Variants in FAM228B observed in about 807,000 individuals in gnomAD.
FAM228B encodes the protein family with sequence similarity 228 member B, also known as protein FAM228B.
A neutral mutation model predicts 42.6 loss-of-function variants in FAM228B; 38 were observed. The observed-to-expected ratio is 0.89, with a 90% confidence interval of 0.69 to 1.17. FAM228B has a LOEUF of 1.17. Ranked by LOEUF, FAM228B falls within the 50% of genes most tolerant of loss-of-function variation. FAM228B has a pLI of 0.00. For missense variants in FAM228B, 344 were observed against 367.3 expected (o/e 0.94, Z 0.52); for synonymous variants, 109 against 122.3 (o/e 0.89, Z 0.72).
intron 3 of FAM228B, chr2:24,115,716 A>G (rs1476285972): frequency 9.5e-6 from 12 of 1,260,126 alleles, no homozygotes; most frequent in Admixed American, 7.0e-5. Flanking sequence ...GGTGACTGCC[A>G]TGTGCTAGGC....
rs1369519093 is a variant in FAM228B at position 24,137,988 on chromosome 2, G to C, written c.248G>C (p.Cys83Ser). ...KEMLYKRWVDCVADPLQKKII... is the reference protein window; with the variant it reads ...KEMLYKRWVDSVADPLQKKII... ...ATGTTATATAAAAGATGGGTTGACT[G>C]TGTGGCAGATCCTCTTCAGAAGAAA... The change falls in exon 4 of 11, where the codon TGT (cysteine) becomes TCT (serine). Residue 83 changes from cysteine to serine, a missense_variant. By Grantham distance (112) the Cys-to-Ser change is moderately radical. Coordinates refer to ENST00000615575, the MANE Select transcript of FAM228B (RefSeq NM_001145710.2). The C allele has an allele frequency of 1.9e-6, 3 of 1,548,382 alleles. No homozygotes were observed. Among genetic ancestry groups the C allele is most frequent in the Non-Finnish European group, 2.6e-6 (3 of 1,146,160 alleles).
intron 7 of FAM228B, among the ~76,000 whole-genome samples, chr2:24,148,335 C>G (rs368039843): frequency 9.2e-5 from 14 of 152,298 alleles, no homozygotes; most frequent in African/African-American, 3.4e-4. Context: ...TGCAAGGCTT[C>G]TAGTGGACGC....
At chr2:24,089,885 G>A (rs963059310) in intron 2 of FAM228B, among the ~76,000 whole-genome samples, 1 of 147,902 alleles carries the variant, frequency 6.8e-6, no homozygotes, top group Non-Finnish European at 1.5e-5. Context: ...TGAGGCAGGA[G>A]AATCACTCGA....
At chr2:24,122,026 A>C (rs1355560895), upstream of FAM228B, among the ~76,000 whole-genome samples, 1 of 152,212 alleles carries the variant, frequency 6.6e-6, no homozygotes, top group East Asian at 1.9e-4. Flanking sequence ...TTTACAGAAA[A>C]AGTTCATTTA....
chr2:24,126,605 T>C (rs977424476), intron 2 of FAM228B, among the ~76,000 whole-genome samples: 1 of 150,696 alleles, frequency 6.6e-6, no homozygotes, highest in Non-Finnish European at 1.5e-5. Context: ...TGCCATAAGA[T>C]TCACTACTTT....
chr2:24,156,782 C>A lies in FAM228B; in HGVS notation c.687-4724C>A, dbSNP rs376004437. Among the ~76,000 whole-genome samples the A allele has an allele frequency of 7.3e-4, 89 of 121,348 alleles. 2 individuals carry two copies. In the South Asian group the frequency reaches 0.019, roughly 26 times the overall value. 79.6% of individuals were successfully genotyped at this position (121,348 alleles called of 152,430 possible). On this transcript the variant is annotated intron_variant, in intron 7 of 10. Coordinates refer to ENST00000615575, the MANE Select transcript of FAM228B (RefSeq NM_001145710.2). ...GTTATACATTTCTTTCCGCCCCCCC[C>A]CCCCCAGCTTTTTGTTTCATTTATC...
chr2:24,104,313 C>T (rs1015229132), intron 3 of FAM228B, among the ~76,000 whole-genome samples: 13 of 152,208 alleles, frequency 8.5e-5, no homozygotes, highest in African/African-American at 2.7e-4. Flanking sequence ...GCCACTCAGA[C>T]GTATTATAGG....
chr2:24,159,618 T>C (rs1309739691), intron 7 of FAM228B, among the ~76,000 whole-genome samples: 1 of 152,242 alleles, frequency 6.6e-6, no homozygotes, highest in Non-Finnish European at 1.5e-5. Context: ...GGTACAGTTC[T>C]GTAGCAGATA....
chr2:24,160,809 C>G (rs1463262355), intron 7 of FAM228B, among the ~76,000 whole-genome samples: 1 of 152,198 alleles, frequency 6.6e-6, no homozygotes, highest in Non-Finnish European at 1.5e-5. Context: ...TCTAAGATAC[C>G]TGTCTGCCAC....
At chr2:24,117,092 C>T (rs1433514128) in intron 3 of FAM228B, among the ~76,000 whole-genome samples, 6 of 149,956 alleles carry the variant, frequency 4.0e-5, no homozygotes, top group African/African-American at 1.2e-4. Context: ...CTCGGCTCAC[C>T]GCAACCTCTG....
intron 2 of FAM228B, among the ~76,000 whole-genome samples, chr2:24,130,318 A>G (rs1666426022): frequency 6.6e-6 from 1 of 152,212 alleles, no homozygotes; most frequent in Non-Finnish European, 1.5e-5. Context: ...TCCTTTAGGT[A>G]CATACCCAGA....
At chr2:24,101,536 A>G (rs1665604044) in intron 3 of FAM228B, among the ~76,000 whole-genome samples, 1 of 152,126 alleles carries the variant, frequency 6.6e-6, no homozygotes, top group Admixed American at 6.5e-5. Flanking sequence ...TAATTATTAA[A>G]CATAAAACGT....
intron 3 of FAM228B, among the ~76,000 whole-genome samples, chr2:24,099,859 C>A (rs527837298): frequency 1.2e-4 from 18 of 152,344 alleles, no homozygotes; most frequent in African/African-American, 4.3e-4. Flanking sequence ...AGCTACCTGA[C>A]TTCAAACTAT....
At chr2:24,105,837 G>A (rs1050161173) in intron 3 of FAM228B, among the ~76,000 whole-genome samples, 65 of 152,144 alleles carry the variant, frequency 4.3e-4, no homozygotes, top group African/African-American at 1.4e-3. Context: ...TATTAACAGC[G>A]GAATAGACCA....
chr2:24,112,667 T>C (rs1392645173), intron 3 of FAM228B, among the ~76,000 whole-genome samples: 1 of 152,194 alleles, frequency 6.6e-6, no homozygotes, highest in Non-Finnish European at 1.5e-5. Context: ...AGTGAGTGTA[T>C]ATTACTTTTG....
upstream of FAM228B, chr2:24,121,232 T>G: frequency 6.2e-7 from 1 of 1,614,222 alleles, no homozygotes; most frequent in Non-Finnish European, 8.5e-7. Flanking sequence ...AATACAGTCC[T>G]TCTCTTCGGG....
At chr2:24,140,977 A>AG (rs961003887) in intron 5 of FAM228B, among the ~76,000 whole-genome samples, 3 of 152,146 alleles carry the variant, frequency 2.0e-5, no homozygotes, top group East Asian at 1.9e-4. Context: ...AAAAAAAAAA[A>AG]AAGAAAAATT....
chr2:24,149,493 G>T lies in FAM228B; in HGVS notation c.686+2407G>T, dbSNP rs564214997. On this transcript the variant is annotated intron_variant, in intron 7 of 10. Coordinates refer to ENST00000615575, the MANE Select transcript of FAM228B (RefSeq NM_001145710.2). ...TTTTGAGACAGAGTCTTGCTTTATC[G>T]CCCAGGTCAGAGTGCAGTGGCCCCC... is the stretch of plus-strand genomic sequence containing the variant. Among the ~76,000 whole-genome samples the T allele has an allele frequency of 3.3e-5, 5 of 151,488 alleles. 1 individual carries two copies. The South Asian group carries it at 1.0e-3, about 32-fold the overall frequency.
intron 2 of FAM228B, among the ~76,000 whole-genome samples, chr2:24,086,234 CAAAAAAAAA>C (rs57641176): frequency 1.6e-5 from 1 of 63,944 alleles, no homozygotes; most frequent in Admixed American, 1.7e-4. Context: ...GACTCCGTCT[CAAAAAAAAA>C]AAAAAAAAAG....
Sources: gnomAD v4.1 joint callset for allele counts (sites outside exome capture counted in the v4.1 genomes callset) on GRCh38, gnomAD v4.1.1 for gene constraint, MANE v1.5 for transcripts, NCBI Gene and HGNC (gene_info 2026-07-23, HGNC 2026-07-21) for gene names.